DCUN1D3: variants seen among roughly 807,000 people sequenced by gnomAD.
DCUN1D3 encodes the protein defective in cullin neddylation 1 domain containing 3, also known as DCN1-like protein 3.
In DCUN1D3, 6 loss-of-function variants were observed where a neutral mutation model predicts 24.8. The observed-to-expected ratio is 0.24, with a 90% CI of 0.13 to 0.48. The LOEUF (loss-of-function observed/expected upper bound fraction) is 0.48, where lower values mean the gene tolerates loss of function less well. Among genes scored for constraint, DCUN1D3 ranks in the 20% least tolerant of loss-of-function variants. DCUN1D3 has a pLI of 0.99. For missense variants in DCUN1D3, 258 were observed against 379.4 expected (o/e 0.68, Z 2.66); for synonymous variants, 120 against 144.9 (o/e 0.83, Z 1.24).
intron 1 of DCUN1D3, among the ~76,000 whole-genome samples, chr16:20,877,580 C>T (rs2081822311): frequency 6.6e-6 from 1 of 152,180 alleles, no homozygotes; most frequent in Non-Finnish European, 1.5e-5. Flanking sequence ...TGAGCACATG[C>T]TCTGTACAAG....
rs574515428 is a variant in DCUN1D3, at chr16:20,891,228, G to A, written c.-106+8976C>T. 1.6e-3 allele frequency among the ~76,000 whole-genome samples: 248 copies of A among 152,118 alleles called. 1 individual carries two copies. The highest frequency in any genetic ancestry group is 5.3e-3 in the African/African-American group (222 of 41,548). On this transcript the variant is annotated intron_variant, in intron 1 of 2. Transcript: ENST00000324344. Reference sequence around the variant, plus strand: ...AGGCTAGTCTTGAACTCCTGACCTCGTGATCCACCCACCTCGGCCTCCCAA... The same window carrying A: ...AGGCTAGTCTTGAACTCCTGACCTCATGATCCACCCACCTCGGCCTCCCAA...
At chr16:20,884,183 T>C (rs1195893622) in intron 1 of DCUN1D3, among the ~76,000 whole-genome samples, 1 of 152,176 alleles carries the variant, frequency 6.6e-6, no homozygotes, top group African/African-American at 2.4e-5. Flanking sequence ...CTTATGGAGA[T>C]TATACGACCA....
At chr16:20,881,326 G>A (rs1402692177) in intron 1 of DCUN1D3, among the ~76,000 whole-genome samples, 1 of 152,186 alleles carries the variant, frequency 6.6e-6, no homozygotes, top group Non-Finnish European at 1.5e-5. Flanking sequence ...AGAACTGCTT[G>A]AGCCCAGGAA....
At chr16:20,882,099 C>A (rs1266749484) in intron 1 of DCUN1D3, among the ~76,000 whole-genome samples, 1 of 152,016 alleles carries the variant, frequency 6.6e-6, no homozygotes, top group Non-Finnish European at 1.5e-5. Flanking sequence ...CCGTGCCCGG[C>A]CTAGTCTTAT....
At chr16:20,883,571 A>C (rs931457682) in intron 1 of DCUN1D3, among the ~76,000 whole-genome samples, 1 of 152,210 alleles carries the variant, frequency 6.6e-6, no homozygotes. Flanking sequence ...CTTTTGCTTA[A>C]GCTGGTTGTA....
At chr16:20,879,387 G>A (rs916010688) in intron 1 of DCUN1D3, among the ~76,000 whole-genome samples, 3 of 152,168 alleles carry the variant, frequency 2.0e-5, no homozygotes, top group African/African-American at 7.2e-5. Context: ...TGACACAAAT[G>A]AATTGCAGCA....
intron 1 of DCUN1D3, among the ~76,000 whole-genome samples, chr16:20,872,529 C>T (rs948736059): frequency 3.3e-5 from 5 of 151,552 alleles, no homozygotes; most frequent in African/African-American, 1.2e-4. Context: ...GCTTTTTCCC[C>T]ACGATGGAGG....
At chr16:20,886,960 T>C (rs567139751) in intron 1 of DCUN1D3, among the ~76,000 whole-genome samples, 13 of 152,356 alleles carry the variant, frequency 8.5e-5, no homozygotes, top group African/African-American at 1.2e-4. Flanking sequence ...CTAAGCACTA[T>C]TGTCCATGAA....
intron 1 of DCUN1D3, among the ~76,000 whole-genome samples, chr16:20,883,513 A>C (rs912218788): frequency 4.8e-4 from 71 of 146,552 alleles, no homozygotes; most frequent in African/African-American, 1.5e-3. Context: ...ACTCCATCTC[A>C]AAAAAAAAAA....
chr16:20,878,739 T>C (rs1012002245), intron 1 of DCUN1D3, among the ~76,000 whole-genome samples: 4 of 152,232 alleles, frequency 2.6e-5, no homozygotes, highest in Non-Finnish European at 5.9e-5. Context: ...CACTGTTCAC[T>C]TGATGACAGA....
chr16:20,899,691 A>G (rs2081952383), intron 1 of DCUN1D3, among the ~76,000 whole-genome samples: 1 of 152,220 alleles, frequency 6.6e-6, no homozygotes, highest in African/African-American at 2.4e-5. Flanking sequence ...TAGAGGATAC[A>G]GGCAAAGCCT....
intron 1 of DCUN1D3, among the ~76,000 whole-genome samples, chr16:20,872,534 T>G (rs1457674894): frequency 6.6e-6 from 1 of 150,896 alleles, no homozygotes; most frequent in Non-Finnish European, 1.5e-5. Flanking sequence ...TTCCCCACGA[T>G]GGAGGTTGAC....
Position 20,862,110 on chromosome 16 carries a change from G to A in DCUN1D3, c.429C>T (p.Thr143=). 6.2e-7 allele frequency: 1 copy of A among 1,613,916 alleles called. No individual in the cohort carries two copies. Reference sequence around the variant, plus strand: ...GACATAAAGTGTTTGTGACTAACCTGGTGAATTTGCACATGGTTGCAGCCT... The same window carrying A: ...GACATAAAGTGTTTGTGACTAACCTAGTGAATTTGCACATGGTTGCAGCCT... ...KFQAATMCKF[T]RKEFFDGCKA... is the part of the protein sequence containing the mutation. The change falls in exon 2 of 3, where the codon ACC becomes ACT. Residue 143 remains threonine (T), a splice_region_variant and synonymous_variant. Coordinates refer to ENST00000324344, the MANE Select transcript of DCUN1D3 (RefSeq NM_173475.4).
intron 1 of DCUN1D3, among the ~76,000 whole-genome samples, chr16:20,899,239 C>T (rs1033843670): frequency 1.3e-5 from 2 of 152,184 alleles, no homozygotes; most frequent in African/African-American, 2.4e-5. Flanking sequence ...CAGAATTAGC[C>T]TAGCAAATCA....
chr16:20,880,565 TG>T (rs2081837588), intron 1 of DCUN1D3, among the ~76,000 whole-genome samples: 1 of 115,922 alleles, frequency 8.6e-6, no homozygotes, highest in Non-Finnish European at 1.6e-5. Context: ...TGATCATGCC[TG>T]GGTACTCCAG....
chr16:20,863,077 A>G (rs2081741948), intron 1 of DCUN1D3, among the ~76,000 whole-genome samples: 1 of 152,224 alleles, frequency 6.6e-6, no homozygotes, highest in Non-Finnish European at 1.5e-5. Flanking sequence ...TTTAAGTAGG[A>G]TGAGTAGGGA....
intron 1 of DCUN1D3, among the ~76,000 whole-genome samples, chr16:20,881,712 T>C (rs762983097): frequency 2.6e-5 from 4 of 152,212 alleles, no homozygotes; most frequent in Non-Finnish European, 5.9e-5. Context: ...AAGCAGCTTA[T>C]GCAAGCCCTT....
chr16:20,869,178 G>A (rs2081776804), intron 1 of DCUN1D3, among the ~76,000 whole-genome samples: 1 of 152,256 alleles, frequency 6.6e-6, no homozygotes, highest in South Asian at 2.1e-4. Context: ...GGATCAGGAA[G>A]TTGTTCCCAT....
At position 20,861,791 on chromosome 16, in the gene DCUN1D3, G is replaced by A. The variant is rs1214924671; in HGVS notation, c.431+317C>T. On this transcript the variant is annotated intron_variant, in intron 2 of 2. Coordinates refer to ENST00000324344, the MANE Select transcript of DCUN1D3 (RefSeq NM_173475.4). ...AGAAAAAGAAAAAAAAAACCATAGC[G>A]TACACATTAGAACCAGACATGAATC... 2.6e-5 allele frequency among the ~76,000 whole-genome samples: 4 copies of A among 151,830 alleles called. No homozygotes were observed. The East Asian group carries it at 5.8e-4, about 22-fold the overall frequency.
Sources: allele counts gnomAD v4.1 joint callset (sites outside exome capture counted in the v4.1 genomes callset), GRCh38; gene constraint gnomAD v4.1.1; transcripts MANE v1.5; gene names NCBI Gene and HGNC (gene_info 2026-07-23, HGNC 2026-07-21).